Variants in AKAP13 observed in about 807,000 individuals in gnomAD.
AKAP13 encodes A-kinase anchor protein 13.
A neutral mutation model predicts 264.5 loss-of-function variants in AKAP13; 80 were observed. That is an observed-to-expected ratio of 0.30 (90% CI 0.25 to 0.36). The LOEUF is 0.36. Among genes scored for constraint, AKAP13 ranks in the 10% least tolerant of loss-of-function variants. The pLI is 1.00. For synonymous variants in AKAP13, 1,380 were observed against 1,250.2 expected, an observed-to-expected ratio of 1.10 and a Z score of -2.19; for missense variants, 3,712 against 3,435.2, an observed-to-expected ratio of 1.08 and a Z score of -2.01.
At chr15:85,705,736 A>G (rs1359738158) in intron 17 of AKAP13, among the ~76,000 whole-genome samples, 6 of 152,196 alleles carry the variant, frequency 3.9e-5, no homozygotes, top group Non-Finnish European at 8.8e-5. Flanking sequence ...ACGGCTTCAG[A>G]TTGTTTCACT....
At chr15:85,402,511 G>T (rs540993640) in intron 1 of AKAP13, among the ~76,000 whole-genome samples, 1 of 152,116 alleles carries the variant, frequency 6.6e-6, no homozygotes, top group South Asian at 2.1e-4. Context: ...TGACTGCTAG[G>T]CTGTGCTCTG....
chr15:85,405,200 A>T (rs1345403329), intron 1 of AKAP13, among the ~76,000 whole-genome samples: 20 of 152,024 alleles, frequency 1.3e-4, no homozygotes, highest in Admixed American at 1.3e-3. Flanking sequence ...TTCCTGAAAG[A>T]TTTGTGCCTT....
intron 1 of AKAP13, among the ~76,000 whole-genome samples, chr15:85,411,680 G>T (rs997976530): frequency 3.9e-5 from 6 of 152,006 alleles, no homozygotes; most frequent in African/African-American, 1.5e-4. Flanking sequence ...CTCGTGATCC[G>T]CCTGCCTCGG....
chr15:85,580,928 C>T lies in AKAP13; in HGVS notation c.2860C>T (p.Pro954Ser), dbSNP rs903122297. The part of the protein sequence containing the change: ...SGTLQEEQRT[P>S]PPGQDTQQFH... ...AACTTTGCAGGAAGAGCAGAGAACA[C>T]CACCTCCTGGACAAGATACTCAACA... Residue 954 changes from proline to serine, a missense_variant, in exon 7 of 37, where the codon CCA becomes TCA. Pro to Ser is a moderately conservative substitution (Grantham distance 74). Coordinates refer to ENST00000394518, the MANE Select transcript of AKAP13 (RefSeq NM_007200.5). 2.5e-6 allele frequency: 4 copies of T among 1,614,134 alleles called. No individual in the cohort carries two copies. In the African/African-American group the frequency reaches 4.0e-5, roughly 16 times the overall value.
intron 17 of AKAP13, among the ~76,000 whole-genome samples, chr15:85,707,775 G>A (rs977252220): frequency 7.3e-5 from 11 of 151,202 alleles, no homozygotes; most frequent in African/African-American, 2.7e-4. Flanking sequence ...TCTGTCTCCT[G>A]GTCTCCAAAT....
intron 1 of AKAP13, among the ~76,000 whole-genome samples, chr15:85,434,729 A>G (rs1002208569): frequency 2.4e-4 from 37 of 152,310 alleles, no homozygotes; most frequent in African/African-American, 8.9e-4. Flanking sequence ...CTCACACGGC[A>G]GGGTATTCTA....
In AKAP13 at chr15:85,392,731, A is replaced by T. The variant is rs563599695; in HGVS notation, c.-12+11933A>T. ...CTGGGTGGTTTTGAAATGAGTCCAT[A>T]ACAGTTCCTGGAAAAATTGTTAGCA... On this transcript the variant is annotated intron_variant, in intron 1 of 36. Transcript: ENST00000394518. 4.7e-4 allele frequency among the ~76,000 whole-genome samples: 72 copies of T among 152,212 alleles called. 1 individual carries two copies. The highest frequency in any genetic ancestry group is 1.3e-3 in the African/African-American group (56 of 41,510).
At chr15:85,420,251 T>A (rs565426463) in intron 1 of AKAP13, among the ~76,000 whole-genome samples, 150 of 151,990 alleles carry the variant, frequency 9.9e-4, no homozygotes, top group African/African-American at 3.4e-3. Flanking sequence ...TTTTTTTTTT[T>A]AATCTGACTC....
rs1213602797 is a variant in AKAP13 at position 85,580,185 on chromosome 15, C to T, written c.2117C>T (p.Ala706Val). ...RQPSSQDPPD[A>V]SHCEDPQAHT... ...CCCAGCTCACAAGATCCACCCGATG[C>T]CTCCCACTGTGAAGACCCACAGGCT... The change falls in exon 7 of 37, where the codon GCC (alanine) becomes GTC (valine). Residue 706 changes from alanine to valine, a missense_variant. This residue lies in a region of AKAP13 where 2,759 missense variants were observed against 2,411.7 expected (regional missense o/e 1.14). Transcript: ENST00000394518. 6.2e-7 allele frequency: 1 copy of T among 1,614,220 alleles called. No homozygotes were observed. The highest frequency in any genetic ancestry group is 1.1e-5 in the South Asian group (1 of 91,082).
chr15:85,654,867 AGTGTAGTAC>A (rs2083026313), intron 10 of AKAP13, among the ~76,000 whole-genome samples: 2 of 151,818 alleles, frequency 1.3e-5, no homozygotes, highest in Non-Finnish European at 2.9e-5. Context: ...ATGTACTTCT[AGTGTAGTAC>A]CTCTAGTAAG....
At chr15:85,381,371 T>C (rs2070248739) in intron 1 of AKAP13, among the ~76,000 whole-genome samples, 1 of 151,688 alleles carries the variant, frequency 6.6e-6, no homozygotes. Context: ...GCGGCCCAGC[T>C]GACCCGCGCG....
chr15:85,594,874 A>G lies in AKAP13; in HGVS notation c.4161+9051A>G, dbSNP rs983492097. Among the ~76,000 whole-genome samples the G allele has an allele frequency of 2.6e-5, 4 of 152,256 alleles. No individual in the cohort carries two copies. In the South Asian group the frequency reaches 8.3e-4, roughly 32 times the overall value. On this transcript the variant is annotated intron_variant, in intron 8 of 36. Transcript: ENST00000394518. Reference sequence around the variant, plus strand: ...TCGCTAGTTGACCACCAGAAGAGTAAATGTGTACACTATTTACGGAGTTGT... The same window carrying G: ...TCGCTAGTTGACCACCAGAAGAGTAGATGTGTACACTATTTACGGAGTTGT...
intron 12 of AKAP13, among the ~76,000 whole-genome samples, chr15:85,659,923 T>C (rs933100938): frequency 9.2e-5 from 14 of 152,208 alleles, no homozygotes; most frequent in Non-Finnish European, 2.1e-4. Context: ...TACTAAATAT[T>C]ATCCCTACTA....
rs114479336 is a variant in AKAP13 at position 85,600,625 on chromosome 15, T to C, written c.4161+14802T>C. Among the ~76,000 whole-genome samples, 1,353 of 152,320 alleles carry C rather than the reference T, an allele frequency of 8.9e-3. 18 individuals carry two copies. Among genetic ancestry groups the C allele is most frequent in the African/African-American group, 0.031 (1,298 of 41,554 alleles). On this transcript the variant is annotated intron_variant, in intron 8 of 36. Coordinates refer to ENST00000394518, the MANE Select transcript of AKAP13 (RefSeq NM_007200.5). ...TGTTCCTTTAGGAAATTCTTTTTAA[T>C]AAACAAATAGTAATTAAAAGATTTA... is the stretch of plus-strand genomic sequence containing the variant.
At chr15:85,600,508 T>A (rs552016737) in intron 8 of AKAP13, among the ~76,000 whole-genome samples, 1 of 152,296 alleles carries the variant, frequency 6.6e-6, no homozygotes, top group African/African-American at 2.4e-5. Flanking sequence ...GGAGGAAATT[T>A]CAACAGCTGC....
intron 4 of AKAP13, among the ~76,000 whole-genome samples, chr15:85,539,180 A>G (rs534713708): frequency 4.5e-4 from 69 of 152,252 alleles, no homozygotes; most frequent in African/African-American, 1.6e-3. Context: ...GAAAATAACA[A>G]CATATTTTAA....
chr15:85,597,859 A>G (rs2079888119), intron 8 of AKAP13, among the ~76,000 whole-genome samples: 1 of 152,104 alleles, frequency 6.6e-6, no homozygotes, highest in Non-Finnish European at 1.5e-5. Flanking sequence ...TCACTGTGAA[A>G]TCCAGGTTTG....
At chr15:85,542,478 C>T (rs773412367) in intron 4 of AKAP13, among the ~76,000 whole-genome samples, 26 of 152,170 alleles carry the variant, frequency 1.7e-4, no homozygotes, top group South Asian at 4.1e-4. Context: ...GTGATATTCA[C>T]GTATAGAAGC....
rs907975328 is a variant in AKAP13 at position 85,380,637 on chromosome 15, G to T, written c.-173G>T. ...GCCAGCGCGGAGCCCGAGCAGCCGC[G>T]GTGAAGCGCCTGTGCTCTGCCGAGA... On this transcript the variant is annotated 5_prime_UTR_variant, in exon 1 of 37. Coordinates refer to ENST00000394518, the MANE Select transcript of AKAP13 (RefSeq NM_007200.5). 1 of 144,650 alleles carries T rather than the reference G, an allele frequency of 6.9e-6. No individual in the cohort carries two copies. The highest frequency in any genetic ancestry group is 2.5e-5 in the African/African-American group (1 of 40,030). The allele number at this position is 144,650 out of a possible 1,614,324, so 9.0% of individuals were successfully genotyped here.
Sources: gnomAD v4.1 joint callset for allele counts (sites outside exome capture counted in the v4.1 genomes callset) on GRCh38, gnomAD v4.1.1 for gene constraint, gnomAD v4.1.1 regional missense constraint, MANE v1.5 for transcripts, NCBI Gene and HGNC (gene_info 2026-07-23, HGNC 2026-07-21) for gene names.